The following BAIAP2L1 variants were observed in gnomAD, a reference collection of about 807,000 sequenced individuals.
BAIAP2L1 encodes the protein BAR/IMD domain-containing adapter protein 2-like 1.
Under a neutral mutation model 66.3 loss-of-function variants are expected in BAIAP2L1, and 35 were observed. The ratio of observed to expected loss-of-function variants is 0.53; its 90% confidence interval spans 0.40 to 0.70. BAIAP2L1 has a LOEUF of 0.70. Among genes scored for constraint, BAIAP2L1 ranks in the 30% least tolerant of loss-of-function variants. The pLI, the probability that BAIAP2L1 is intolerant of heterozygous loss-of-function variation, is 0.00. For missense variants in BAIAP2L1, 622 were observed against 656.9 expected, an observed-to-expected ratio of 0.95 and a Z score of 0.58; for synonymous variants, 269 against 248.7, an observed-to-expected ratio of 1.08 and a Z score of -0.77.
At chr7:98,351,743 C>A (rs1188518394) in intron 3 of BAIAP2L1, among the ~76,000 whole-genome samples, 1 of 152,180 alleles carries the variant, frequency 6.6e-6, no homozygotes, top group African/African-American at 2.4e-5. Context: ...GCTTAACTCA[C>A]TGTTCATTGG....
At chr7:98,310,674 TTA>T in intron 8 of BAIAP2L1, 82 bp from the exon 9 acceptor site, 1 of 1,107,368 alleles carries the variant, frequency 9.0e-7, no homozygotes, top group Non-Finnish European at 1.2e-6. Context: ...TTTTTTTTTT[TTA>T]AATAATAGGC....
chr7:98,299,766 C>T (rs866344727), intron 12 of BAIAP2L1, among the ~76,000 whole-genome samples: 4 of 152,186 alleles, frequency 2.6e-5, no homozygotes, highest in South Asian at 2.1e-4. Context: ...ATTTGCCGGG[C>T]GCAGTGACTC....
At chr7:98,301,094 C>T (rs370422196) in intron 12 of BAIAP2L1, among the ~76,000 whole-genome samples, 23 of 152,274 alleles carry the variant, frequency 1.5e-4, no homozygotes, top group East Asian at 1.4e-3. Context: ...GCTGATGGGA[C>T]GGTCTCATCT....
chr7:98,300,934 CCT>C (rs986824361), intron 12 of BAIAP2L1, among the ~76,000 whole-genome samples: 8 of 152,190 alleles, frequency 5.3e-5, no homozygotes, highest in Non-Finnish European at 1.2e-4. Flanking sequence ...AGAAGCCTCC[CCT>C]GATGCGTCCC....
At chr7:98,389,321 A>AT (rs1802970437) in intron 1 of BAIAP2L1, among the ~76,000 whole-genome samples, 1 of 151,570 alleles carries the variant, frequency 6.6e-6, no homozygotes. Flanking sequence ...TCGAGGCCTT[A>AT]TTTTTTATTT....
rs558007845 is a variant in BAIAP2L1, at chr7:98,366,071, T to A, written c.52-3639A>T. On this transcript the variant is annotated intron_variant, in intron 1 of 13. Coordinates refer to ENST00000005260, the MANE Select transcript of BAIAP2L1 (RefSeq NM_018842.5). ...GGCTTCATTCCAAGCCAATGGCCAC[T>A]CTACAGTCATCAGGGGCCACTGGGC... 2.0e-5 allele frequency among the ~76,000 whole-genome samples: 3 copies of A among 152,280 alleles called. No individual in the cohort carries two copies. In the South Asian group the frequency reaches 6.2e-4, roughly 32 times the overall value.
chr7:98,391,000 A>AT (rs10538495), intron 1 of BAIAP2L1, among the ~76,000 whole-genome samples: 34,856 of 144,068 alleles, frequency 0.24, 4,279 homozygotes, highest in East Asian at 0.44. Flanking sequence ...CACCCAGCTA[A>AT]TTTTTTTTTT....
chr7:98,308,667 A>AAT (rs1271801115), intron 9 of BAIAP2L1: 12 of 233,592 alleles, frequency 5.1e-5, no homozygotes, highest in South Asian at 1.3e-4. Context: ...GGTAGAAAAA[A>AAT]ATATATATAT....
intron 1 of BAIAP2L1, among the ~76,000 whole-genome samples, chr7:98,394,405 G>A (rs965872778): frequency 1.3e-5 from 2 of 152,164 alleles, no homozygotes; most frequent in African/African-American, 4.8e-5. Context: ...CCTAGGTCTT[G>A]GTTTGTCTTC....
intron 1 of BAIAP2L1, among the ~76,000 whole-genome samples, chr7:98,396,216 C>T (rs543734674): frequency 1.3e-5 from 2 of 152,142 alleles, no homozygotes; most frequent in Admixed American, 6.5e-5. Flanking sequence ...ACCCCAGGCA[C>T]GTACCACCAC....
intron 1 of BAIAP2L1, among the ~76,000 whole-genome samples, chr7:98,379,458 C>T (rs1335337223): frequency 2.6e-5 from 4 of 152,180 alleles, no homozygotes; most frequent in African/African-American, 9.7e-5. Context: ...ACTTCCCTAG[C>T]TCAAGGCGAT....
intron 9 of BAIAP2L1, chr7:98,308,910 C>G (rs1800768683): frequency 6.6e-6 from 1 of 152,048 alleles, no homozygotes; most frequent in Admixed American, 6.5e-5. Flanking sequence ...ACCTCCTGGC[C>G]TCAAGTGATC....
At chr7:98,300,426 A>G (rs7781916) in intron 12 of BAIAP2L1, among the ~76,000 whole-genome samples, 61,169 of 152,074 alleles carry the variant, frequency 0.4, 13,425 homozygotes, top group Middle Eastern at 0.54. Context: ...TGACAGTTGC[A>G]GTCCCTCCCC....
rs1005323842 is a variant in BAIAP2L1 at position 98,292,831 on chromosome 7, G to A, written c.*690C>T. 19 of 1,472,470 alleles carry A rather than the reference G, an allele frequency of 1.3e-5. No homozygotes were observed. Among genetic ancestry groups the A allele is most frequent in the Admixed American group, 1.3e-4 (5 of 39,568 alleles). The allele number at this position is 1,472,470 out of a possible 1,614,324, so 91.2% of individuals were successfully genotyped here. A position where few individuals can be genotyped will look rare whatever the true frequency, so the allele number is the denominator to read the frequency against. On this transcript the variant is annotated 3_prime_UTR_variant, in exon 14 of 14. Coordinates refer to ENST00000005260, the MANE Select transcript of BAIAP2L1 (RefSeq NM_018842.5). Reference sequence around the variant, plus strand: ...GTGTCCTGGATGGGCCGTGTGCAGCGAATCCGTTGGCGACTCCTAACTACC... The same window carrying A: ...GTGTCCTGGATGGGCCGTGTGCAGCAAATCCGTTGGCGACTCCTAACTACC...
chr7:98,333,156 C>T (rs535615835), intron 3 of BAIAP2L1, among the ~76,000 whole-genome samples: 16 of 152,158 alleles, frequency 1.1e-4, no homozygotes, highest in Non-Finnish European at 1.9e-4. Flanking sequence ...CACTCAGTGG[C>T]CCCTTGCCTT....
chr7:98,394,687 A>G (rs370703788), intron 1 of BAIAP2L1, among the ~76,000 whole-genome samples: 6 of 152,340 alleles, frequency 3.9e-5, no homozygotes, highest in African/African-American at 1.4e-4. Flanking sequence ...CTCCTAAAGC[A>G]AAATATTTGA....
At chr7:98,337,383 C>G (rs1347303031) in intron 3 of BAIAP2L1, among the ~76,000 whole-genome samples, 1 of 152,192 alleles carries the variant, frequency 6.6e-6, no homozygotes, top group Non-Finnish European at 1.5e-5. Flanking sequence ...AGGCGTGTGC[C>G]ATCACGCTCA....
chr7:98,299,256 T>G (rs1800320208), intron 12 of BAIAP2L1, among the ~76,000 whole-genome samples: 1 of 152,110 alleles, frequency 6.6e-6, no homozygotes, highest in South Asian at 2.1e-4. Flanking sequence ...TGACATCAGG[T>G]GATCCACCTG....
At chr7:98,361,213 T>C (rs995165951) in intron 2 of BAIAP2L1, among the ~76,000 whole-genome samples, 2 of 151,870 alleles carry the variant, frequency 1.3e-5, no homozygotes, top group African/African-American at 4.8e-5. Flanking sequence ...AAAAATTAGC[T>C]GGGCATGGTG....
Sources: gnomAD v4.1 joint callset for allele counts (sites outside exome capture counted in the v4.1 genomes callset) on GRCh38, gnomAD v4.1.1 for gene constraint, MANE v1.5 for transcripts, NCBI Gene and HGNC (gene_info 2026-07-23, HGNC 2026-07-21) for gene names.